The following PRAMEF12 variants were observed in gnomAD, a reference collection of about 807,000 sequenced individuals.
PRAMEF12 encodes the protein PRAME family member 12.
In PRAMEF12, 24 loss-of-function variants were observed where a neutral mutation model predicts 24.6. The ratio of observed to expected loss-of-function variants is 0.98; its 90% CI spans 0.71 to 1.37. The LOEUF (loss-of-function observed/expected upper bound fraction) is 1.37, where lower values mean the gene tolerates loss of function less well. PRAMEF12 is among the 40% of genes most tolerant of loss of function. The probability of loss-of-function intolerance (pLI) is 0.00; values close to 1 mark genes in which losing one functional copy is unlikely to be tolerated. For synonymous variants in PRAMEF12, 286 were observed against 242.6 expected (o/e 1.18, Z -1.66); for missense variants, 646 against 580.3 (o/e 1.11, Z -1.16).
At position 12,777,091 on chromosome 1, in the gene PRAMEF12, G is replaced by A. The variant is rs1426497699; in HGVS notation, c.944G>A (p.Cys315Tyr). The A allele has an allele frequency of 2.5e-6, 4 of 1,614,004 alleles. No individual in the cohort carries two copies. The highest frequency in any genetic ancestry group is 3.4e-6 in the Non-Finnish European group (4 of 1,180,010). Residue 315 changes from cysteine to tyrosine, a missense_variant, in exon 3 of 3, where the codon TGC (cysteine) becomes TAC (tyrosine). By Grantham distance (194) the Cys-to-Tyr change is radical. Coordinates refer to ENST00000357726, the MANE Select transcript of PRAMEF12 (RefSeq NM_001080830.5). The stretch of plus-strand genomic sequence containing the variant: ...TCGGACCTGAAGCATCTCTCTTGGT[G>A]CCCGAGCATCCGTCAGCTAAAAGAG... ...SESDLKHLSWCPSIRQLKELD... is the reference protein window; with the variant it reads ...SESDLKHLSWYPSIRQLKELD...
rs555952069 is a variant in PRAMEF12, at chr1:12,777,400, A to T, written c.1253A>T (p.Tyr418Phe). The change falls in exon 3 of 3, where the codon TAT becomes TTT. Residue 418 changes from tyrosine to phenylalanine, a missense_variant. Transcript: ENST00000357726. ...CTGTATCCTGCCCCTCTGGAGAGTT[A>T]TGATGCCCAGGGTGCTCTCTGCTGG... ...LELYPAPLES[Y>F]DAQGALCWGR... The T allele has an allele frequency of 1.4e-4, 234 of 1,613,832 alleles. 4 individuals carry two copies. In the South Asian group the frequency reaches 2.5e-3, roughly 17 times the overall value.
rs848577 is a variant in PRAMEF12, at chr1:12,777,697, C to A, written c.*98C>A. ...TTTCATATGCCTGCTCAATGTGAAC[C>A]GGAAAGGAAAGGGGATGCAGGAAGG... On this transcript the variant is annotated 3_prime_UTR_variant, in exon 3 of 3. Transcript: ENST00000357726. 7.1e-7 allele frequency: 1 copy of A among 1,403,952 alleles called. No individual in the cohort carries two copies. The highest frequency in any genetic ancestry group is 9.7e-7 in the Non-Finnish European group (1 of 1,025,692). The allele number at this position is 1,403,952 out of a possible 1,614,324, so 87.0% of individuals were successfully genotyped here.
rs1202998819 is a variant in PRAMEF12 at position 12,777,446 on chromosome 1, G to T, written c.1299G>T (p.Gly433=). 5 of 1,614,034 alleles carry T rather than the reference G, an allele frequency of 3.1e-6. No individual in the cohort carries two copies. The highest frequency in any genetic ancestry group is 1.7e-5 in the Admixed American group (1 of 60,008). The change falls in exon 3 of 3, where the codon GGG becomes GGT. Residue 433 remains glycine (G), a synonymous_variant. Coordinates refer to ENST00000357726, the MANE Select transcript of PRAMEF12 (RefSeq NM_001080830.5). ...GCTGGGGAAGATTTTCTCAACTTGG[G>T]GCTGAGCTGATGAAGACACTGAGGG... ...ALCWGRFSQL[G]AELMKTLRDL... is the part of the protein sequence containing the mutation.
rs372043644 is a variant in PRAMEF12 at position 12,777,103 on chromosome 1, G to A, written c.956G>A (p.Arg319His). 35 of 1,613,824 alleles carry A rather than the reference G, an allele frequency of 2.2e-5. No individual in the cohort carries two copies. In the African/African-American group the frequency reaches 3.7e-4, roughly 17 times the overall value. ...LKHLSWCPSI[R>H]QLKELDLRGI... ...CATCTCTCTTGGTGCCCGAGCATCC[G>A]TCAGCTAAAAGAGCTAGACCTGAGG... The change falls in exon 3 of 3, where the codon CGT becomes CAT. Residue 319 changes from arginine to histidine, a missense_variant. Coordinates refer to ENST00000357726, the MANE Select transcript of PRAMEF12 (RefSeq NM_001080830.5).
chr1:12,775,927 T>A lies in PRAMEF12; in HGVS notation c.672T>A (p.Pro224=), dbSNP rs1412058117. 6.2e-7 allele frequency: 1 copy of A among 1,614,134 alleles called. No homozygotes were observed. The highest frequency in any genetic ancestry group is 1.7e-5 in the Admixed American group (1 of 60,012). The part of the protein sequence containing the change: ...WELSILIRFA[P]YLGQMRNLRK... Reference sequence around the variant, plus strand: ...TGTCCATTCTTATAAGGTTCGCCCCTTACCTGGGCCAGATGAGGAATCTCC... The same window carrying A: ...TGTCCATTCTTATAAGGTTCGCCCCATACCTGGGCCAGATGAGGAATCTCC... The change falls in exon 2 of 3, where the codon CCT becomes CCA. Residue 224 remains proline (P), a synonymous_variant. Transcript: ENST00000357726.
At position 12,775,637 on chromosome 1, in the gene PRAMEF12, A is replaced by G. The variant is rs1161896585; in HGVS notation, c.382A>G (p.Ser128Gly). ...GASALSPEAL[S>G]KRRTAGNCPR... Reference sequence around the variant, plus strand: ...TTCTGCACTCTCCCCAGAGGCCCTGAGTAAGAGACGAACAGCAGGGAACTG... The same window carrying G: ...TTCTGCACTCTCCCCAGAGGCCCTGGGTAAGAGACGAACAGCAGGGAACTG... Residue 128 changes from serine (S) to glycine (G), a missense_variant, in exon 2 of 3, where the codon AGT becomes GGT. Ser to Gly is a moderately conservative substitution (Grantham distance 56). Transcript: ENST00000357726. 2 of 1,613,996 alleles carry G rather than the reference A, an allele frequency of 1.2e-6. No individual in the cohort carries two copies. Among genetic ancestry groups the G allele is most frequent in the Non-Finnish European group, 1.7e-6 (2 of 1,180,004 alleles).
At position 12,775,528 on chromosome 1, in the gene PRAMEF12, C is replaced by G; in HGVS notation, c.288-15C>G. 1.9e-6 allele frequency: 3 copies of G among 1,590,684 alleles called. No individual in the cohort carries two copies. The highest frequency in any genetic ancestry group is 2.6e-6 in the Non-Finnish European group (3 of 1,168,140). Reference sequence around the variant, plus strand: ...CCTTCCTAAATTTGGAGCCTCTCTTCTCTTTTACCCACAGGCGGTGGAAAC... The same window carrying G: ...CCTTCCTAAATTTGGAGCCTCTCTTGTCTTTTACCCACAGGCGGTGGAAAC... On this transcript the variant is annotated splice_polypyrimidine_tract_variant and intron_variant, in intron 1 of 2. Transcript: ENST00000357726.
Position 12,777,697 on chromosome 1 carries a change from C to T in PRAMEF12, c.*98C>T, listed in dbSNP as rs848577. ...TTTCATATGCCTGCTCAATGTGAACCGGAAAGGAAAGGGGATGCAGGAAGG... is the reference window on the plus strand; with the variant it reads ...TTTCATATGCCTGCTCAATGTGAACTGGAAAGGAAAGGGGATGCAGGAAGG... On this transcript the variant is annotated 3_prime_UTR_variant, in exon 3 of 3. Coordinates refer to ENST00000357726, the MANE Select transcript of PRAMEF12 (RefSeq NM_001080830.5). The T allele has an allele frequency of 5.1e-5, 72 of 1,403,924 alleles. No individual in the cohort carries two copies. The highest frequency in any genetic ancestry group is 4.0e-4 in the South Asian group (30 of 74,354). The allele number at this position is 1,403,924 out of a possible 1,614,324, so 87.0% of individuals were successfully genotyped here.
Position 12,775,687 on chromosome 1 carries a change from C to G in PRAMEF12, c.432C>G (p.Pro144=). 2 of 1,613,810 alleles carry G rather than the reference C, an allele frequency of 1.2e-6. No homozygotes were observed. The highest frequency in any genetic ancestry group is 8.5e-7 in the Non-Finnish European group (1 of 1,179,966). ...GNCPRPGGQQ[P]LMVILDLCFK... is the part of the protein sequence containing the mutation. ...GTCCAAGGCCGGGTGGGCAGCAGCC[C>G]TTGATGGTGATCCTAGACCTTTGCT... The change falls in exon 2 of 3, where the codon CCC becomes CCG. Residue 144 remains proline, a synonymous_variant. Transcript: ENST00000357726.
Position 12,777,270 on chromosome 1 carries a change from TG to T in PRAMEF12, c.1124del (p.Cys375SerfsTer29), listed in dbSNP as rs748577291. ...LSAILPALSR[C>X]SQLSTFSFCG... ...CGCCATCCTGCCTGCCCTGAGCCGC[TG>T]CTCCCAGCTCAGCACCTTCAGCTTC... On this transcript the variant is annotated frameshift_variant, in exon 3 of 3. Coordinates refer to ENST00000357726, the MANE Select transcript of PRAMEF12 (RefSeq NM_001080830.5). LOFTEE classifies it low-confidence loss of function (END_TRUNC). 1.2e-6 allele frequency: 2 copies of T among 1,612,506 alleles called. No individual in the cohort carries two copies. The highest frequency in any genetic ancestry group is 1.7e-6 in the Non-Finnish European group (2 of 1,179,892).
At position 12,775,528 on chromosome 1, in the gene PRAMEF12, CT is replaced by C; in HGVS notation, c.288-14del. 6.3e-7 allele frequency: 1 copy of C among 1,590,684 alleles called. No individual in the cohort carries two copies. Among genetic ancestry groups the C allele is most frequent in the Non-Finnish European group, 8.6e-7 (1 of 1,168,140 alleles). Reference sequence around the variant, plus strand: ...CCTTCCTAAATTTGGAGCCTCTCTTCTCTTTTACCCACAGGCGGTGGAAACT... The same window carrying C: ...CCTTCCTAAATTTGGAGCCTCTCTTCCTTTTACCCACAGGCGGTGGAAACT... On this transcript the variant is annotated splice_polypyrimidine_tract_variant and intron_variant, in intron 1 of 2. Coordinates refer to ENST00000357726, the MANE Select transcript of PRAMEF12 (RefSeq NM_001080830.5).
Position 12,775,610 on chromosome 1 carries a change from G to A in PRAMEF12, c.355G>A (p.Ala119Thr). Residue 119 changes from alanine to threonine, a missense_variant, in exon 2 of 3, where the codon GCT (alanine) becomes ACT (threonine). Coordinates refer to ENST00000357726, the MANE Select transcript of PRAMEF12 (RefSeq NM_001080830.5). ...GAACTTCTGGGGCATATGGTCTGGA[G>A]CTTCTGCACTCTCCCCAGAGGCCCT... ...DENFWGIWSG[A>T]SALSPEALSK... The A allele has an allele frequency of 6.2e-7, 1 of 1,614,018 alleles. No homozygotes were observed. The highest frequency in any genetic ancestry group is 8.5e-7 in the Non-Finnish European group (1 of 1,179,990).
Position 12,777,445 on chromosome 1 carries a change from G to A in PRAMEF12, c.1298G>A (p.Gly433Glu), listed in dbSNP as rs1349331164. 4 of 1,613,934 alleles carry A rather than the reference G, an allele frequency of 2.5e-6. No homozygotes were observed. The highest frequency in any genetic ancestry group is 2.5e-6 in the Non-Finnish European group (3 of 1,179,984). Residue 433 changes from glycine to glutamate, a missense_variant, in exon 3 of 3, where the codon GGG becomes GAG. Gly to Glu is a moderately conservative substitution (Grantham distance 98). Coordinates refer to ENST00000357726, the MANE Select transcript of PRAMEF12 (RefSeq NM_001080830.5). The stretch of plus-strand genomic sequence containing the variant: ...TGCTGGGGAAGATTTTCTCAACTTG[G>A]GGCTGAGCTGATGAAGACACTGAGG... ...ALCWGRFSQL[G>E]AELMKTLRDL... is the part of the protein sequence containing the mutation.
At position 12,777,128 on chromosome 1, in the gene PRAMEF12, G is replaced by C. The variant is rs760773254; in HGVS notation, c.981G>C (p.Arg327Ser). 6.8e-6 allele frequency: 11 copies of C among 1,613,746 alleles called. No homozygotes were observed. Among genetic ancestry groups the C allele is most frequent in the African/African-American group, 4.0e-5 (3 of 74,814 alleles). ...GTCAGCTAAAAGAGCTAGACCTGAG[G>C]GGCATCACACTGACCCATTTCAGTC... is the stretch of plus-strand genomic sequence containing the variant. Reference protein sequence around the residue: ...SIRQLKELDLRGITLTHFSPE... With the variant: ...SIRQLKELDLSGITLTHFSPE... Residue 327 changes from arginine (R) to serine (S), a missense_variant, in exon 3 of 3, where the codon AGG (arginine) becomes AGC (serine). Arg to Ser is a moderately radical substitution (Grantham distance 110). Coordinates refer to ENST00000357726, the MANE Select transcript of PRAMEF12 (RefSeq NM_001080830.5).
In PRAMEF12 at chr1:12,775,866, G is replaced by C. The variant is rs377176593; in HGVS notation, c.611G>C (p.Cys204Ser). ...GTCCTGAACACGGTGGAGCTAGACT[G>C]TATCCAGGAGGTGGAAGTGTGCTGC... ...IEVLNTVELD[C>S]IQEVEVCCPW... is the part of the protein sequence containing the mutation. The change falls in exon 2 of 3, where the codon TGT (cysteine) becomes TCT (serine). Residue 204 changes from cysteine to serine, a missense_variant. Physicochemically the swap from Cys to Ser is moderately radical, Grantham distance 112. Coordinates refer to ENST00000357726, the MANE Select transcript of PRAMEF12 (RefSeq NM_001080830.5). The C allele has an allele frequency of 3.3e-5, 54 of 1,613,938 alleles. No individual in the cohort carries two copies. The highest frequency in any genetic ancestry group is 4.2e-5 in the Non-Finnish European group (49 of 1,180,006).
chr1:12,777,205 T>C lies in PRAMEF12; in HGVS notation c.1058T>C (p.Leu353Pro), dbSNP rs932568939. 1 of 1,613,102 alleles carries C rather than the reference T, an allele frequency of 6.2e-7. No individual in the cohort carries two copies. ...CAAGCTGAGGCCACCCTGCAGACCC[T>C]GGACTTAGAGGACTGTGGGATCGTG... ...LEQAEATLQT[L>P]DLEDCGIVDS... is the part of the protein sequence containing the mutation. Residue 353 changes from leucine (L) to proline (P), a missense_variant, in exon 3 of 3, where the codon CTG becomes CCG. Coordinates refer to ENST00000357726, the MANE Select transcript of PRAMEF12 (RefSeq NM_001080830.5).
At position 12,776,022 on chromosome 1, in the gene PRAMEF12, T is replaced by C. The variant is rs773413329; in HGVS notation, c.767T>C (p.Ile256Thr). 1.9e-6 allele frequency: 3 copies of C among 1,614,066 alleles called. No homozygotes were observed. The highest frequency in any genetic ancestry group is 2.5e-6 in the Non-Finnish European group (3 of 1,180,034). ...CTAGACAGGAAGGAGCAGTTTGTCATCCAGTTCACCTCTCAGTTCCTCAAG... is the reference window on the plus strand; with the variant it reads ...CTAGACAGGAAGGAGCAGTTTGTCACCCAGTTCACCTCTCAGTTCCTCAAG... Reference protein sequence around the residue: ...IPLDRKEQFVIQFTSQFLKLD... With the variant: ...IPLDRKEQFVTQFTSQFLKLD... The change falls in exon 2 of 3, where the codon ATC (isoleucine) becomes ACC (threonine). Residue 256 changes from isoleucine (I) to threonine (T), a missense_variant. Ile to Thr is a moderately conservative substitution (Grantham distance 89). Transcript: ENST00000357726.
rs765217732 is a variant in PRAMEF12 at position 12,775,780 on chromosome 1, A to C, written c.525A>C (p.Leu175Phe). The C allele has an allele frequency of 6.2e-7, 1 of 1,613,904 alleles. No homozygotes were observed. Among genetic ancestry groups the C allele is most frequent in the South Asian group, 1.1e-5 (1 of 91,064 alleles). The change falls in exon 2 of 3, where the codon TTA becomes TTC. Residue 175 changes from leucine (L) to phenylalanine (F), a missense_variant. Physicochemically the swap from Leu to Phe is conservative, Grantham distance 22. Coordinates refer to ENST00000357726, the MANE Select transcript of PRAMEF12 (RefSeq NM_001080830.5). ...AGTGGGGCAAGCAGAGAAAAGGCTT[A>C]CTGCACGTGTGTTGCAAGGAGCTGC... is the stretch of plus-strand genomic sequence containing the variant. ...FLEWGKQRKGLLHVCCKELQI... is the reference protein window; with the variant it reads ...FLEWGKQRKGFLHVCCKELQI...
Position 12,777,170 on chromosome 1 carries a change from T to C in PRAMEF12, c.1023T>C (p.Val341=). The C allele has an allele frequency of 1.2e-6, 2 of 1,613,666 alleles. No homozygotes were observed. The highest frequency in any genetic ancestry group is 2.2e-5 in the South Asian group (2 of 91,060). Reference sequence around the variant, plus strand: ...ATTTCAGTCCTGAGCCCCTCTCAGTTCTGCTGGAGCAAGCTGAGGCCACCC... The same window carrying C: ...ATTTCAGTCCTGAGCCCCTCTCAGTCCTGCTGGAGCAAGCTGAGGCCACCC... ...LTHFSPEPLS[V]LLEQAEATLQ... is the part of the protein sequence containing the mutation. The change falls in exon 3 of 3, where the codon GTT becomes GTC. Residue 341 remains valine, a synonymous_variant. Coordinates refer to ENST00000357726, the MANE Select transcript of PRAMEF12 (RefSeq NM_001080830.5).
Sources: allele counts gnomAD v4.1 joint callset, GRCh38; gene constraint gnomAD v4.1.1; transcripts MANE v1.5; gene names NCBI Gene and HGNC (gene_info 2026-07-23, HGNC 2026-07-21).